KCNH3: variants seen among roughly 807,000 people sequenced by gnomAD.
KCNH3 encodes potassium voltage-gated channel subfamily H member 3, also known as voltage-gated inwardly rectifying potassium channel KCNH3.
Under a neutral mutation model 95.6 loss-of-function variants are expected in KCNH3, and 36 were observed. The ratio of observed to expected loss-of-function variants is 0.38; its 90% CI spans 0.29 to 0.50. The LOEUF (loss-of-function observed/expected upper bound fraction) is 0.50. Among genes scored for constraint, KCNH3 ranks in the 20% least tolerant of loss-of-function variants. The pLI is 0.95. For synonymous variants in KCNH3, 620 were observed against 646.3 expected (o/e 0.96, Z 0.62); for missense variants, 1,030 against 1,484.1 (o/e 0.69, Z 5.03).
chr12:49,549,762 CTT>C (rs1938196252), intron 9 of KCNH3, 122 bp downstream of exon 9: 10 of 946,554 alleles, frequency 1.1e-5, no homozygotes, highest in Non-Finnish European at 1.6e-5. Flanking sequence ...TCCCTTCTCT[CTT>C]GAGGGGACAG....
At chr12:49,548,059 A>T (rs1938121045) in intron 7 of KCNH3, among the ~76,000 whole-genome samples, 1 of 151,734 alleles carries the variant, frequency 6.6e-6, no homozygotes, top group South Asian at 2.1e-4. Flanking sequence ...GGGGCAATCC[A>T]GCCTCTGCTC....
At position 49,555,813 on chromosome 12, in the gene KCNH3, C is replaced by G. The variant is rs760091577; in HGVS notation, c.2330C>G (p.Pro777Arg). The change falls in exon 12 of 15, where the codon CCT (proline) becomes CGT (arginine). Residue 777 changes from proline to arginine, a missense_variant. Physicochemically the swap from Pro to Arg is moderately radical, Grantham distance 103 (BLOSUM62 -2). Transcript: ENST00000257981. The stretch of plus-strand genomic sequence containing the variant: ...TCCCCACGTCGAACAGCACCCCGGC[C>G]TCGTCTAGGTGGCAGAGGGAGGCCA... ...LLSPRRTAPR[P>R]RLGGRGRPGR... 1.4e-5 allele frequency: 23 copies of G among 1,613,434 alleles called. No homozygotes were observed. The Admixed American group carries it at 3.7e-4, about 26-fold the overall frequency.
intron 11 of KCNH3, among the ~76,000 whole-genome samples, 194 bp from the exon 12 acceptor site, chr12:49,555,426 G>T (rs980519403): frequency 8.8e-5 from 13 of 147,180 alleles, no homozygotes; most frequent in Non-Finnish European, 1.5e-5. Context: ...CAGCCTGGGC[G>T]ACAGAGTAAG....
intron 13 of KCNH3, 55 bp from the exon 14 acceptor site, chr12:49,557,128 A>T (rs2094816125): frequency 6.4e-7 from 1 of 1,569,406 alleles, no homozygotes; most frequent in East Asian, 2.2e-5. Flanking sequence ...AGACCCCCAA[A>T]TTGCCTATCT....
rs376040756 is a variant in KCNH3 at position 49,543,431 on chromosome 12, G to A, written c.736G>A (p.Val246Met). ...TGTGGCTGTCACTGTGCCCTACAGC[G>A]TGTGTGTGAGCACAGCACGGGAGCC... ...LYVAVTVPYS[V>M]CVSTAREPSA... Residue 246 changes from valine (V) to methionine (M), a missense_variant, in exon 5 of 15, where the codon GTG becomes ATG. Val to Met is a conservative substitution (Grantham distance 21). Coordinates refer to ENST00000257981, the MANE Select transcript of KCNH3 (RefSeq NM_012284.3). 16 of 1,607,622 alleles carry A rather than the reference G, an allele frequency of 1.0e-5. No individual in the cohort carries two copies. Among genetic ancestry groups the A allele is most frequent in the East Asian group, 2.2e-5 (1 of 44,888 alleles).
At chr12:49,553,446 T>C (rs115969174) in intron 10 of KCNH3, among the ~76,000 whole-genome samples, 2,307 of 152,258 alleles carry the variant, frequency 0.015, 53 homozygotes, top group African/African-American at 0.052. Context: ...GAATGATTTA[T>C]AGGGGGTTCT....
At chr12:49,550,532 G>A (rs973979429) in intron 10 of KCNH3, among the ~76,000 whole-genome samples, 17 of 152,202 alleles carry the variant, frequency 1.1e-4, no homozygotes, top group African/African-American at 3.9e-4. Flanking sequence ...AGGTGGACAC[G>A]ATCTCGCAGG....
At chr12:49,543,597 A>AGGGTGCT in intron 5 of KCNH3, 79 bp downstream of exon 5, 1 of 1,524,186 alleles carries the variant, frequency 6.6e-7, no homozygotes, top group Admixed American at 1.8e-5. Flanking sequence ...CGTGGCTTCC[A>AGGGTGCT]GGGTGCTACA....
At chr12:49,547,635 G>C (rs1938104743) in intron 7 of KCNH3, among the ~76,000 whole-genome samples, 1 of 152,014 alleles carries the variant, frequency 6.6e-6, no homozygotes, top group Admixed American at 6.5e-5. Flanking sequence ...CTGGCACACA[G>C]TGTGTGAGGT....
rs1937776885 is a variant in KCNH3 at position 49,539,120 on chromosome 12, G to A, written c.-297G>A. 6.5e-6 allele frequency: 1 copy of A among 152,952 alleles called. No individual in the cohort carries two copies. Among genetic ancestry groups the A allele is most frequent in the African/African-American group, 2.4e-5 (1 of 41,442 alleles). The allele number at this position is 152,952 out of a possible 1,614,324, so 9.5% of individuals were successfully genotyped here. A position where few individuals can be genotyped will look rare whatever the true frequency, so the allele number is the denominator to read the frequency against. The stretch of plus-strand genomic sequence containing the variant: ...GGAAGCCCACCCGCAGCCGACACGC[G>A]AGCCGCTGCCGCGGCGGGAGGTGCT... On this transcript the variant is annotated 5_prime_UTR_variant, in exon 1 of 15. Transcript: ENST00000257981. The surrounding 1 kb of genome is among the most constrained non-coding windows in gnomAD (Gnocchi z 6.7).
intron 8 of KCNH3, 121 bp downstream of exon 8, chr12:49,549,294 C>T (rs532153854): frequency 3.2e-4 from 466 of 1,454,558 alleles, no homozygotes; most frequent in Non-Finnish European, 3.4e-4. Flanking sequence ...GGCCGCGGAA[C>T]CCGAGGCCGG....
Position 49,542,813 on chromosome 12 carries a change from C to T in KCNH3, c.553C>T (p.Pro185Ser), listed in dbSNP as rs1439047510. 1 of 1,605,350 alleles carries T rather than the reference C, an allele frequency of 6.2e-7. No individual in the cohort carries two copies. Among genetic ancestry groups the T allele is most frequent in the East Asian group, 2.2e-5 (1 of 44,578 alleles). ...YHLSGHLQKQ[P>S]KGKHKLNKGV... Reference sequence around the variant, plus strand: ...CCTGTCCGGGCACCTGCAGAAGCAGCCCAAGGGCAAGCACAAGCTCAATAA... The same window carrying T: ...CCTGTCCGGGCACCTGCAGAAGCAGTCCAAGGGCAAGCACAAGCTCAATAA... Residue 185 changes from proline (P) to serine (S), a missense_variant, in exon 4 of 15, where the codon CCC (proline) becomes TCC (serine). Physicochemically the swap from Pro to Ser is moderately conservative, Grantham distance 74. Transcript: ENST00000257981.
intron 9 of KCNH3, 105 bp from the exon 10 acceptor site, chr12:49,549,975 C>A: frequency 7.9e-7 from 1 of 1,257,888 alleles, no homozygotes; most frequent in Non-Finnish European, 1.1e-6. Flanking sequence ...CCCTCCCATG[C>A]CTCCCCTGTT....
chr12:49,556,525 T>C (rs1592513355), intron 13 of KCNH3, 49 bp downstream of exon 13: 1 of 1,322,080 alleles, frequency 7.6e-7, no homozygotes, highest in Non-Finnish European at 1.1e-6. Context: ...CCCCTTTGCC[T>C]TGTGAACCTC....
At chr12:49,546,738 C>A (rs1239407234) in intron 7 of KCNH3, among the ~76,000 whole-genome samples, 3 of 152,210 alleles carry the variant, frequency 2.0e-5, no homozygotes, top group Non-Finnish European at 4.4e-5. Context: ...GTTGCTGATG[C>A]CCCATGGCCA....
At position 49,551,232 on chromosome 12, in the gene KCNH3, G is replaced by A. The variant is rs577621627; in HGVS notation, c.1918+903G>A. On this transcript the variant is annotated intron_variant, in intron 10 of 14. Transcript: ENST00000257981. ...GGACCTGCACTCTAGGATTTGGAGA[G>A]TTGGGAGCACATTCTAACTCTCAGG... Among the ~76,000 whole-genome samples, 11 of 152,316 alleles carry A rather than the reference G, an allele frequency of 7.2e-5. No homozygotes were observed. In the East Asian group the frequency reaches 1.5e-3, roughly 21 times the overall value.
In KCNH3 at chr12:49,543,910, C is replaced by T. The variant is rs371023037; in HGVS notation, c.824-5C>T. 30 of 1,604,564 alleles carry T rather than the reference C, an allele frequency of 1.9e-5. No individual in the cohort carries two copies. The highest frequency in any genetic ancestry group is 2.3e-5 in the Non-Finnish European group (27 of 1,172,388). ...AGTGCTGACTCCCACCCGGATTCCC[C>T]ACAGACATTGTGCTGAATTTCCGTA... On this transcript the variant is annotated splice_polypyrimidine_tract_variant and splice_region_variant and intron_variant, in intron 5 of 14. Coordinates refer to ENST00000257981, the MANE Select transcript of KCNH3 (RefSeq NM_012284.3).
chr12:49,549,372 G>A, intron 8 of KCNH3, 69 bp from the exon 9 acceptor site: 1 of 1,567,398 alleles, frequency 6.4e-7, no homozygotes, highest in South Asian at 1.1e-5. Context: ...GCCGAGGACA[G>A]ATGAGCCCAG....
rs754915930 is a variant in KCNH3, at chr12:49,555,923, T to C, written c.2440T>C (p.Trp814Arg). 7.6e-6 allele frequency: 12 copies of C among 1,571,880 alleles called. No homozygotes were observed. The highest frequency in any genetic ancestry group is 1.0e-5 in the Non-Finnish European group (12 of 1,151,556). The part of the protein sequence containing the change: ...LEGLRLPPMP[W>R]NVPPDLSPRV... The stretch of plus-strand genomic sequence containing the variant: ...GGGGCTACGGCTGCCCCCCATGCCA[T>C]GGAATGTGCCCCCAGATCTGAGCCC... Residue 814 changes from tryptophan to arginine, a missense_variant, in exon 12 of 15, where the codon TGG becomes CGG. By Grantham distance (101) the Trp-to-Arg change is moderately radical (BLOSUM62 -3). Coordinates refer to ENST00000257981, the MANE Select transcript of KCNH3 (RefSeq NM_012284.3).
Sources: gnomAD v4.1 joint callset for allele counts (sites outside exome capture counted in the v4.1 genomes callset) on GRCh38, gnomAD v4.1.1 for gene constraint, Gnocchi (gnomAD v3.1) non-coding constraint, MANE v1.5 for transcripts, NCBI Gene and HGNC (gene_info 2026-07-23, HGNC 2026-07-21) for gene names.